AKR1B10: variants seen among roughly 807,000 people sequenced by gnomAD.
AKR1B10 encodes the protein aldo-keto reductase family 1 member B10.
A neutral mutation model predicts 38.9 loss-of-function variants in AKR1B10; 39 were observed. The ratio of observed to expected loss-of-function variants is 1.00; its 90% CI spans 0.78 to 1.31. The LOEUF is 1.31. Ranked by LOEUF, AKR1B10 falls within the 50% of genes most tolerant of loss-of-function variation. AKR1B10 has a pLI of 0.00. For synonymous variants in AKR1B10, 148 were observed against 141.2 expected, an observed-to-expected ratio of 1.05 and a Z score of -0.34; for missense variants, 361 against 382.6, an observed-to-expected ratio of 0.94 and a Z score of 0.47.
In AKR1B10 at chr7:134,530,698, G is replaced by C. The variant is rs144002917; in HGVS notation, c.122G>C (p.Arg41Pro). 1 of 1,614,004 alleles carries C rather than the reference G, an allele frequency of 6.2e-7. No homozygotes were observed. The highest frequency in any genetic ancestry group is 2.2e-5 in the East Asian group (1 of 44,854). ...AAGGTGGCCATTGATGCAGGATATC[G>C]GCACATTGACTGTGCCTATGTCTAT... is the stretch of plus-strand genomic sequence containing the variant. ...AVKVAIDAGY[R>P]HIDCAYVYQN... Residue 41 changes from arginine to proline, a missense_variant, in exon 2 of 10, where the codon CGG becomes CCG. Arg to Pro is a moderately radical substitution (Grantham distance 103, BLOSUM62 -2). Transcript: ENST00000359579.
At chr7:134,532,737 T>TGAG (rs1259593207) in intron 3 of AKR1B10, among the ~76,000 whole-genome samples, 1 of 152,194 alleles carries the variant, frequency 6.6e-6, no homozygotes, top group African/African-American at 2.4e-5. Flanking sequence ...TCTAGGTGTA[T>TGAG]GAGGTTAATG....
rs1562931945 is a variant in AKR1B10, at chr7:134,538,295, C to CG, written c.825+20dup. ...ACATTCAGGTAAGTTTCCGGCTGGT[C>CG]GGCCCTGGTATTCCTCAGTGGAGTG... On this transcript the variant is annotated intron_variant, in intron 8 of 9. Transcript: ENST00000359579. 1 of 1,609,610 alleles carries CG rather than the reference C, an allele frequency of 6.2e-7. No homozygotes were observed. The highest frequency in any genetic ancestry group is 8.5e-7 in the Non-Finnish European group (1 of 1,176,108).
chr7:134,532,895 G>T (rs1807898797), intron 3 of AKR1B10, 109 bp from the exon 4 acceptor site: 13 of 837,452 alleles, frequency 1.6e-5, no homozygotes, highest in Non-Finnish European at 2.3e-5. Context: ...ACTTGAAAAA[G>T]TGGTATGCAG....
chr7:134,539,174 C>T, intron 9 of AKR1B10, 157 bp downstream of exon 9: 1 of 749,220 alleles, frequency 1.3e-6, no homozygotes, highest in Admixed American at 2.5e-5. Context: ...CTGGGAATCA[C>T]TGTGAGGGAC....
chr7:134,527,800 C>G lies in AKR1B10; in HGVS notation c.-112C>G. The G allele has an allele frequency of 6.7e-7, 1 of 1,491,616 alleles. No individual in the cohort carries two copies. Among genetic ancestry groups the G allele is most frequent in the Non-Finnish European group, 9.2e-7 (1 of 1,086,930 alleles). 92.4% of individuals were successfully genotyped at this position (1,491,616 alleles called of 1,614,324 possible). A position where few individuals can be genotyped will look rare whatever the true frequency, so the allele number is the denominator to read the frequency against. ...GACAGAGGTTGTAGTGAGCTGAGATCGCACCACTGCACTCTAGCCTTGGCA... is the reference window on the plus strand; with the variant it reads ...GACAGAGGTTGTAGTGAGCTGAGATGGCACCACTGCACTCTAGCCTTGGCA... On this transcript the variant is annotated 5_prime_UTR_variant, in exon 1 of 10. The change creates a new upstream start codon in the 5' untranslated region. Transcript: ENST00000359579.
intron 4 of AKR1B10, 92 bp from the exon 5 acceptor site, chr7:134,536,558 T>C: frequency 3.9e-6 from 6 of 1,534,472 alleles, no homozygotes; most frequent in Non-Finnish European, 5.2e-6. Context: ...CGGTGGATCC[T>C]TTAGCAATTT....
intron 2 of AKR1B10, among the ~76,000 whole-genome samples, chr7:134,531,159 C>T (rs1585751192): frequency 6.6e-6 from 1 of 152,120 alleles, no homozygotes; most frequent in East Asian, 1.9e-4. Context: ...GCCTCCCTTT[C>T]AGCACTGTGA....
chr7:134,532,111 C>A, intron 3 of AKR1B10, 87 bp downstream of exon 3: 2 of 1,518,148 alleles, frequency 1.3e-6, no homozygotes, highest in Middle Eastern at 1.7e-4. Context: ...GTGGTGTGGA[C>A]TGGGGCAGGA....
rs554387869 is a variant in AKR1B10, at chr7:134,540,389, G to A, written c.909-658G>A. On this transcript the variant is annotated intron_variant, in intron 9 of 9. Transcript: ENST00000359579. ...CTTAGAGCAAAAAGGAAGGGTGAAC[G>A]TAAAGTGGGACTCACCCCCCAAACT... 1.2e-4 allele frequency among the ~76,000 whole-genome samples: 6 copies of A among 48,392 alleles called. No homozygotes were observed. In the South Asian group the frequency reaches 5.2e-3, roughly 42 times the overall value. 31.7% of individuals were successfully genotyped at this position (48,392 alleles called of 152,430 possible). A position where few individuals can be genotyped will look rare whatever the true frequency, so the allele number is the denominator to read the frequency against.
intron 4 of AKR1B10, among the ~76,000 whole-genome samples, chr7:134,533,521 T>C (rs1249912016): frequency 6.6e-6 from 1 of 152,222 alleles, no homozygotes; most frequent in Non-Finnish European, 1.5e-5. Context: ...ATGGTTTACA[T>C]GCCAGGAACA....
chr7:134,535,585 C>CCT (rs1554396831), intron 4 of AKR1B10: 4,280 of 410,602 alleles, frequency 0.01, 168 homozygotes, highest in African/African-American at 0.078. Flanking sequence ...TCTTTTCTGT[C>CCT]TTTTTTTTTT....
chr7:134,533,943 G>A (rs1332398849), intron 4 of AKR1B10, among the ~76,000 whole-genome samples: 6 of 152,134 alleles, frequency 3.9e-5, no homozygotes, highest in Non-Finnish European at 7.4e-5. Flanking sequence ...AGAGTTAATC[G>A]TGTTATTTTG....
At chr7:134,537,692 A>G (rs1474163674) in intron 7 of AKR1B10, 31 bp downstream of exon 7, 5 of 1,610,288 alleles carry the variant, frequency 3.1e-6, no homozygotes, top group Non-Finnish European at 4.2e-6. Flanking sequence ...TTGTTATCCA[A>G]CAACTCATTC....
Position 134,541,210 on chromosome 7 carries a change from A to G in AKR1B10, c.*121A>G, listed in dbSNP as rs547926847. The stretch of plus-strand genomic sequence containing the variant: ...AGATCACAGTGAACTTAGTCCTGTT[A>G]TAGACGAGAATCGAGGTGCTGTTTT... On this transcript the variant is annotated 3_prime_UTR_variant, in exon 10 of 10. Transcript: ENST00000359579. 4.2e-5 allele frequency: 30 copies of G among 715,318 alleles called. No individual in the cohort carries two copies. In the East Asian group the frequency reaches 6.9e-4, roughly 16 times the overall value. 44.3% of individuals were successfully genotyped at this position (715,318 alleles called of 1,614,324 possible).
At chr7:134,532,106 G>A in intron 3 of AKR1B10, 82 bp downstream of exon 3, 2 of 1,536,620 alleles carry the variant, frequency 1.3e-6, no homozygotes, top group Non-Finnish European at 1.8e-6. Context: ...GTGGGGTGGT[G>A]TGGACTGGGG....
At chr7:134,528,165 G>C (rs1233858409) in intron 1 of AKR1B10, among the ~76,000 whole-genome samples, 188 bp downstream of exon 1, 2 of 152,200 alleles carry the variant, frequency 1.3e-5, no homozygotes, top group African/African-American at 4.8e-5. Context: ...TCCAAGGCTG[G>C]CTTTCCCAGC....
chr7:134,536,683 A>T lies in AKR1B10; in HGVS notation c.463A>T (p.Lys155Ter). 1 of 1,613,908 alleles carries T rather than the reference A, an allele frequency of 6.2e-7. No homozygotes were observed. The highest frequency in any genetic ancestry group is 8.5e-7 in the Non-Finnish European group (1 of 1,179,818). Residue 155 changes from lysine (K) to a stop codon, truncating the protein, a stop_gained, in exon 5 of 10, where the codon AAA becomes TAA. Coordinates refer to ENST00000359579, the MANE Select transcript of AKR1B10 (RefSeq NM_020299.5). LOFTEE classifies it high-confidence loss of function. ...GGAGCTGGTGGATGAGGGGCTGGTG[A>T]AAGCCCTTGGGGTCTCCAATTTCAG... is the stretch of plus-strand genomic sequence containing the variant. Reference protein sequence around the residue: ...MEELVDEGLVKALGVSNFSHF... With the variant: ...MEELVDEGLV
rs1655361648 is a variant in AKR1B10 at position 134,527,609 on chromosome 7, T to TA, written c.-301dup. 1 of 223,336 alleles carries TA rather than the reference T, an allele frequency of 4.5e-6. No homozygotes were observed. Among genetic ancestry groups the TA allele is most frequent in the African/African-American group, 2.2e-5 (1 of 44,744 alleles). The allele number at this position is 223,336 out of a possible 1,614,324, so 13.8% of individuals were successfully genotyped here. On this transcript the variant is annotated 5_prime_UTR_variant, in exon 1 of 10. Coordinates refer to ENST00000359579, the MANE Select transcript of AKR1B10 (RefSeq NM_020299.5). Reference sequence around the variant, plus strand: ...GGCCGGGCACAGTAGCTCACACCTGTAATCCCAGCACTTTGGAAGGCCGAG... The same window carrying TA: ...GGCCGGGCACAGTAGCTCACACCTGTAAATCCCAGCACTTTGGAAGGCCGAG...
chr7:134,532,072 G>A (rs752761942), intron 3 of AKR1B10, 48 bp downstream of exon 3: 22 of 1,606,314 alleles, frequency 1.4e-5, no homozygotes, highest in Admixed American at 5.0e-5. Context: ...GCAGGTGCCA[G>A]AAAATAGTAG....
Sources: gnomAD v4.1 joint callset for allele counts (sites outside exome capture counted in the v4.1 genomes callset) on GRCh38, gnomAD v4.1.1 for gene constraint, MANE v1.5 for transcripts, NCBI Gene and HGNC (gene_info 2026-07-23, HGNC 2026-07-21) for gene names.